MBLAC2: variants seen among roughly 807,000 people sequenced by gnomAD.
The protein encoded by MBLAC2 is metallo-beta-lactamase domain containing 2, also known as acyl-coenzyme A thioesterase MBLAC2.
In MBLAC2, 24 loss-of-function variants were observed where a neutral mutation model predicts 23.3. The observed-to-expected ratio is 1.03, with a 90% CI of 0.75 to 1.45. The LOEUF is 1.45. MBLAC2 is among the 40% of genes most tolerant of loss of function. The probability of loss-of-function intolerance (pLI) is 0.00; values close to 1 mark genes in which losing one functional copy is unlikely to be tolerated. For synonymous variants in MBLAC2, 162 were observed against 150.9 expected (o/e 1.07, Z -0.54); for missense variants, 358 against 370.0 (o/e 0.97, Z 0.27).
Position 90,473,849 on chromosome 5 carries a change from G to C in MBLAC2, c.444C>G (p.Ile148Met), listed in dbSNP as rs763153818. 1 of 1,583,508 alleles carries C rather than the reference G, an allele frequency of 6.3e-7. No individual in the cohort carries two copies. The highest frequency in any genetic ancestry group is 8.6e-7 in the Non-Finnish European group (1 of 1,165,026). ...GCGGGGGCCCATTACCATCCTGCAG[G>C]ATGAGGGTGGGCTGCACCGCCTGTA... ...FRVQAVQPTL[I>M]LQDGDVINLG... is the part of the protein sequence containing the mutation. Residue 148 changes from isoleucine to methionine, a missense_variant, in exon 1 of 2, where the codon ATC (isoleucine) becomes ATG (methionine). Transcript: ENST00000316610.
At chr5:90,463,328 C>T (rs1487896897) in intron 1 of MBLAC2, among the ~76,000 whole-genome samples, 1 of 152,232 alleles carries the variant, frequency 6.6e-6, no homozygotes, top group African/African-American at 2.4e-5. Context: ...TGGCCTCAAG[C>T]GATCCTCCCT....
intron 1 of MBLAC2, among the ~76,000 whole-genome samples, chr5:90,467,010 G>A (rs1001035267): frequency 6.6e-6 from 1 of 152,186 alleles, no homozygotes; most frequent in Admixed American, 6.5e-5. Flanking sequence ...GGTGGTGCAT[G>A]CCTGTAATTC....
At chr5:90,473,715 T>C (rs1289001506) in intron 1 of MBLAC2, 124 bp downstream of exon 1, 18 of 922,074 alleles carry the variant, frequency 2.0e-5, no homozygotes, top group Non-Finnish European at 3.1e-5. Context: ...GAAACAGAAG[T>C]GGCTCTGCGA....
At position 90,474,437 on chromosome 5, in the gene MBLAC2, G is replaced by T. The variant is rs1054173077; in HGVS notation, c.-145C>A. The T allele has an allele frequency of 4.1e-6, 3 of 731,034 alleles. No individual in the cohort carries two copies. Among genetic ancestry groups the T allele is most frequent in the Non-Finnish European group, 6.8e-6 (3 of 439,248 alleles). 45.3% of individuals were successfully genotyped at this position (731,034 alleles called of 1,614,324 possible). ...AGAGCGAGGCGGGGGCGTGGGATGC[G>T]GGGGTCGGAATAGGAGGAGGAAGGA... On this transcript the variant is annotated 5_prime_UTR_variant, in exon 1 of 2. Transcript: ENST00000316610.
rs766076979 is a variant in MBLAC2 at position 90,461,210 on chromosome 5, G to C, written c.797C>G (p.Ala266Gly). Residue 266 changes from alanine (A) to glycine (G), a missense_variant, in exon 2 of 2, where the codon GCA becomes GGA. Coordinates refer to ENST00000316610, the MANE Select transcript of MBLAC2 (RefSeq NM_203406.2). Reference sequence around the variant, plus strand: ...ATTTGTTACACGTAGAGCTAAACTTGCAAGAGATCGCATGGCAAAAGTAGA... The same window carrying C: ...ATTTGTTACACGTAGAGCTAAACTTCCAAGAGATCGCATGGCAAAAGTAGA... ...KVSTFAMRSLASLALRVTNSR... is the reference protein window; with the variant it reads ...KVSTFAMRSLGSLALRVTNSR... 6.2e-7 allele frequency: 1 copy of C among 1,612,930 alleles called. No homozygotes were observed. The highest frequency in any genetic ancestry group is 1.1e-5 in the South Asian group (1 of 90,884).
intron 1 of MBLAC2, 100 bp from the exon 2 acceptor site, chr5:90,461,652 G>C: frequency 9.1e-7 from 1 of 1,098,068 alleles, no homozygotes; most frequent in Non-Finnish European, 1.3e-6. Flanking sequence ...AATTGGGAAG[G>C]ATGACACTTT....
intron 1 of MBLAC2, among the ~76,000 whole-genome samples, chr5:90,465,808 C>A (rs1750437227): frequency 6.6e-6 from 1 of 152,136 alleles, no homozygotes; most frequent in Non-Finnish European, 1.5e-5. Context: ...CTTAAATGAT[C>A]CTCCAGCCTC....
chr5:90,461,892 C>T (rs573740132), intron 1 of MBLAC2, among the ~76,000 whole-genome samples: 1 of 152,216 alleles, frequency 6.6e-6, no homozygotes, highest in South Asian at 2.1e-4. Flanking sequence ...CTTCTTTGAG[C>T]TTTTATTATA....
Position 90,474,173 on chromosome 5 carries a change from C to A in MBLAC2, c.120G>T (p.Gln40His). 1 of 1,604,302 alleles carries A rather than the reference C, an allele frequency of 6.2e-7. No individual in the cohort carries two copies. Among genetic ancestry groups the A allele is most frequent in the South Asian group, 1.1e-5 (1 of 89,558 alleles). Residue 40 changes from glutamine (Q) to histidine (H), a missense_variant, in exon 1 of 2, where the codon CAG (glutamine) becomes CAT (histidine). Coordinates refer to ENST00000316610, the MANE Select transcript of MBLAC2 (RefSeq NM_203406.2). ...CCAGGCCTGTATCGATCACCACGTC[C>A]TGCTCGGAGCCGCGCACCAGCCAGA... ...ANIWLVRGSE[Q>H]DVVIDTGLGL... is the part of the protein sequence containing the mutation.
chr5:90,466,850 G>C (rs1432105079), intron 1 of MBLAC2, among the ~76,000 whole-genome samples: 2 of 152,160 alleles, frequency 1.3e-5, no homozygotes, highest in African/African-American at 2.4e-5. Flanking sequence ...TGTTGAAAAA[G>C]ATGTGAGCTG....
chr5:90,464,897 G>A (rs1750424033), intron 1 of MBLAC2, among the ~76,000 whole-genome samples: 1 of 152,160 alleles, frequency 6.6e-6, no homozygotes, highest in Admixed American at 6.5e-5. Context: ...CTTGATAAAA[G>A]TCACTTATGA....
intron 1 of MBLAC2, among the ~76,000 whole-genome samples, chr5:90,469,702 T>A (rs2151892422): frequency 6.6e-6 from 1 of 152,248 alleles, no homozygotes; most frequent in Non-Finnish European, 1.5e-5. Flanking sequence ...TGAGTAAAAA[T>A]GGCTATTGTC....
Position 90,474,376 on chromosome 5 carries a change from T to C in MBLAC2, c.-84A>G. The C allele has an allele frequency of 7.7e-7, 1 of 1,293,440 alleles. No individual in the cohort carries two copies. The highest frequency in any genetic ancestry group is 2.4e-5 in the East Asian group (1 of 41,334). The allele number at this position is 1,293,440 out of a possible 1,614,324, so 80.1% of individuals were successfully genotyped here. On this transcript the variant is annotated 5_prime_UTR_variant, in exon 1 of 2. Coordinates refer to ENST00000316610, the MANE Select transcript of MBLAC2 (RefSeq NM_203406.2). ...GTCCACACACAGGGCACTGCGGCTG[T>C]GTGAAGCGGTCTGCCTGCAGCCAGG...
At chr5:90,462,575 G>C (rs865997486) in intron 1 of MBLAC2, among the ~76,000 whole-genome samples, 1 of 152,158 alleles carries the variant, frequency 6.6e-6, no homozygotes, top group Admixed American at 6.5e-5. Context: ...ACTGTTAAGA[G>C]AACTAGGGCA....
chr5:90,473,078 C>G (rs1750591602), intron 1 of MBLAC2: 1 of 152,212 alleles, frequency 6.6e-6, no homozygotes, highest in Non-Finnish European at 1.5e-5. Flanking sequence ...CCATACTTGT[C>G]TTTCACAGAG....
rs1025730399 is a variant in MBLAC2, at chr5:90,459,188, A to C, written c.*1979T>G. On this transcript the variant is annotated 3_prime_UTR_variant, in exon 2 of 2. Coordinates refer to ENST00000316610, the MANE Select transcript of MBLAC2 (RefSeq NM_203406.2). ...ACCAAATCATTATTCTCAATGTTGC[A>C]CTCAGTTGAAAGAGACCTACTACCT... is the stretch of plus-strand genomic sequence containing the variant. The C allele has an allele frequency of 5.2e-5, 8 of 152,504 alleles. No individual in the cohort carries two copies. The highest frequency in any genetic ancestry group is 1.9e-4 in the African/African-American group (8 of 41,426). The allele number at this position is 152,504 out of a possible 1,614,324, so 9.4% of individuals were successfully genotyped here.
Position 90,459,164 on chromosome 5 carries a change from C to G in MBLAC2, c.*2003G>C, listed in dbSNP as rs972725741. 6.6e-6 allele frequency: 1 copy of G among 152,440 alleles called. No individual in the cohort carries two copies. The highest frequency in any genetic ancestry group is 1.5e-5 in the Non-Finnish European group (1 of 67,964). The allele number at this position is 152,440 out of a possible 1,614,324, so 9.4% of individuals were successfully genotyped here. A position where few individuals can be genotyped will look rare whatever the true frequency, so the allele number is the denominator to read the frequency against. ...AGTGATTATTTGTAGTTGCCCTGAA[C>G]CAAATCATTATTCTCAATGTTGCAC... On this transcript the variant is annotated 3_prime_UTR_variant, in exon 2 of 2. Transcript: ENST00000316610.
intron 1 of MBLAC2, among the ~76,000 whole-genome samples, chr5:90,463,969 AC>A (rs1750410634): frequency 6.6e-6 from 1 of 152,240 alleles, no homozygotes; most frequent in Admixed American, 6.5e-5. Context: ...TTTTAAGCCA[AC>A]AAATTTGACA....
intron 1 of MBLAC2, among the ~76,000 whole-genome samples, chr5:90,466,517 A>C (rs905578281): frequency 9.9e-5 from 15 of 152,210 alleles, no homozygotes; most frequent in African/African-American, 3.6e-4. Flanking sequence ...ACTGGACTTC[A>C]AGTTATAAAC....
Sources: gnomAD v4.1 joint callset for allele counts (sites outside exome capture counted in the v4.1 genomes callset) on GRCh38, gnomAD v4.1.1 for gene constraint, MANE v1.5 for transcripts, NCBI Gene and HGNC (gene_info 2026-07-23, HGNC 2026-07-21) for gene names.